TMC3: variants seen among roughly 807,000 people sequenced by gnomAD.
TMC3 encodes the protein transmembrane channel like 3, also known as transmembrane channel-like protein 3.
In TMC3, 98 loss-of-function variants were observed where a neutral mutation model predicts 110.6. The observed-to-expected ratio is 0.89, with a 90% CI of 0.75 to 1.05. TMC3 has a LOEUF of 1.05. Ranked by LOEUF, TMC3 falls within the 50% of genes least tolerant of loss-of-function variation. TMC3 has a pLI of 0.00. For missense variants in TMC3, 1,319 were observed against 1,373.2 expected (o/e 0.96, Z 0.62); for synonymous variants, 489 against 513.1 (o/e 0.95, Z 0.63).
At chr15:81,346,162 G>A (rs1056202352) in intron 12 of TMC3, among the ~76,000 whole-genome samples, 9 of 152,210 alleles carry the variant, frequency 5.9e-5, no homozygotes, top group Non-Finnish European at 1.5e-5. Flanking sequence ...GTCATGCACT[G>A]TGGCCTGAGT....
rs771936246 is a variant in TMC3, at chr15:81,338,706, A to C, written c.2030T>G (p.Val677Gly). 35 of 1,613,912 alleles carry C rather than the reference A, an allele frequency of 2.2e-5. No individual in the cohort carries two copies. Among genetic ancestry groups the C allele is most frequent in the Non-Finnish European group, 2.6e-5 (31 of 1,179,884 alleles). ...KDFPVWFGSVVGHISSPVVIL... is the reference protein window; with the variant it reads ...KDFPVWFGSVGGHISSPVVIL... ...GACCACGGGGCTACTGATGTGTCCAACCACGGAGCCAAACCACACAGGAAA... is the reference window on the plus strand; with the variant it reads ...GACCACGGGGCTACTGATGTGTCCACCCACGGAGCCAAACCACACAGGAAA... The change falls in exon 18 of 22, where the codon GTT becomes GGT. Residue 677 changes from valine to glycine, a missense_variant. Physicochemically the swap from Val to Gly is moderately radical, Grantham distance 109. Transcript: ENST00000359440.
chr15:81,357,572 C>T (rs1022706728), intron 7 of TMC3, among the ~76,000 whole-genome samples: 4 of 152,062 alleles, frequency 2.6e-5, no homozygotes, highest in African/African-American at 9.7e-5. Context: ...GTCTCACAGT[C>T]GGGGTGGTGC....
In TMC3 at chr15:81,336,788, A is replaced by G. The variant is rs538351687; in HGVS notation, c.2161-137T>C. 1.9e-4 allele frequency: 163 copies of G among 852,098 alleles called. 2 individuals are homozygous for G. In the South Asian group the frequency reaches 2.1e-3, roughly 11 times the overall value. 52.8% of individuals were successfully genotyped at this position (852,098 alleles called of 1,614,324 possible). A position where few individuals can be genotyped will look rare whatever the true frequency, so the allele number is the denominator to read the frequency against. On this transcript the variant is annotated intron_variant, in intron 19 of 21. Transcript: ENST00000359440. ...CATAACTGTACTACTATTGCCCCCTATGGACGGTATGCTCTGGGCTCGGGC... is the reference window on the plus strand; with the variant it reads ...CATAACTGTACTACTATTGCCCCCTGTGGACGGTATGCTCTGGGCTCGGGC...
chr15:81,348,574 C>T (rs7170701), intron 11 of TMC3, among the ~76,000 whole-genome samples: 3,078 of 152,314 alleles, frequency 0.02, 105 homozygotes, highest in African/African-American at 0.069. Context: ...CTCAGGTCTT[C>T]CTCAACCACC....
intron 19 of TMC3, 153 bp downstream of exon 19, chr15:81,337,693 G>A (rs894728148): frequency 3.1e-5 from 21 of 683,174 alleles, no homozygotes; most frequent in African/African-American, 3.0e-4. Context: ...AATAACTCTT[G>A]GACATCTGGG....
intron 1 of TMC3, 128 bp from the exon 2 acceptor site, chr15:81,372,865 T>TTGTGTG (rs892784031): frequency 5.5e-5 from 32 of 579,526 alleles, no homozygotes; most frequent in Non-Finnish European, 8.4e-5. Context: ...GTGTATGTGT[T>TTGTGTG]TGTGCGTGTG....
chr15:81,340,202 TTCTCTGTCTCTCTCTG>T (rs949158087), intron 16 of TMC3, among the ~76,000 whole-genome samples: 2 of 143,668 alleles, frequency 1.4e-5, no homozygotes, highest in South Asian at 2.4e-4. Context: ...GTTGGTCTGT[TTCTCTGTCTCTCTCTG>T]TCTCTGTCTC....
chr15:81,358,465 C>T lies in TMC3; in HGVS notation c.537G>A (p.Arg179=), dbSNP rs1567067705. 1.2e-6 allele frequency: 2 copies of T among 1,613,428 alleles called. No homozygotes were observed. The highest frequency in any genetic ancestry group is 1.3e-5 in the African/African-American group (1 of 75,022). ...IAGQPFGSTA[R]KTIPKEQVSS... is the part of the protein sequence containing the mutation. ...AAACCTGCTCCTTGGGGATGGTCTT[C>T]CTGGCTGTGCTTCCAAAGGGCTGGC... Residue 179 remains arginine, a synonymous_variant, in exon 6 of 22, where the codon AGG becomes AGA. Coordinates refer to ENST00000359440, the MANE Select transcript of TMC3 (RefSeq NM_001080532.3).
At chr15:81,345,512 G>C (rs535577253) in intron 12 of TMC3, among the ~76,000 whole-genome samples, 5 of 152,246 alleles carry the variant, frequency 3.3e-5, no homozygotes, top group African/African-American at 1.2e-4. Flanking sequence ...CCCTAAAAGA[G>C]CACCCCCTGT....
At chr15:81,351,955 G>T in intron 9 of TMC3, 114 bp from the exon 10 acceptor site, 2 of 1,267,058 alleles carry the variant, frequency 1.6e-6, no homozygotes, top group Non-Finnish European at 2.2e-6. Context: ...AGGATTCTCT[G>T]CCCTGAAGCA....
At chr15:81,362,354 G>T in intron 3 of TMC3, 53 bp from the exon 4 acceptor site, 1 of 1,417,290 alleles carries the variant, frequency 7.1e-7, no homozygotes, top group Non-Finnish European at 9.9e-7. Flanking sequence ...GATGGCAATG[G>T]CTGTGCAGTA....
chr15:81,370,729 C>T (rs983512695), intron 2 of TMC3, among the ~76,000 whole-genome samples: 12 of 147,950 alleles, frequency 8.1e-5, no homozygotes, highest in African/African-American at 2.8e-4. Flanking sequence ...GGCTGGAGGG[C>T]AGTGGCACAA....
chr15:81,337,746 A>C, intron 19 of TMC3, 100 bp downstream of exon 19: 2 of 1,034,800 alleles, frequency 1.9e-6, no homozygotes, highest in Non-Finnish European at 3.0e-6. Context: ...AGAGTCACAG[A>C]AACCTTGAAG....
At chr15:81,372,549 A>T in intron 2 of TMC3, 42 bp downstream of exon 2, 1 of 1,609,384 alleles carries the variant, frequency 6.2e-7, no homozygotes, top group Non-Finnish European at 8.5e-7. Flanking sequence ...TTTATCGGAA[A>T]GCATGCTTGT....
At position 81,362,213 on chromosome 15, in the gene TMC3, T is replaced by C; in HGVS notation, c.394+7A>G. 1 of 1,602,350 alleles carries C rather than the reference T, an allele frequency of 6.2e-7. No homozygotes were observed. The highest frequency in any genetic ancestry group is 2.2e-5 in the East Asian group (1 of 44,588). ...TCCTGCCCCACTCTCCAGGTGTAAATACTTACTCTCGATTTTCTTTATCCT... is the reference window on the plus strand; with the variant it reads ...TCCTGCCCCACTCTCCAGGTGTAAACACTTACTCTCGATTTTCTTTATCCT... On this transcript the variant is annotated splice_region_variant and intron_variant, in intron 4 of 21. Transcript: ENST00000359440.
intron 1 of TMC3, among the ~76,000 whole-genome samples, chr15:81,373,445 T>C (rs1309486101): frequency 1.3e-5 from 2 of 152,246 alleles, no homozygotes; most frequent in Non-Finnish European, 2.9e-5. Context: ...TATTCATCTA[T>C]GACTATTAGA....
rs1057135707 is a variant in TMC3, at chr15:81,365,311, G to A, written c.312+2942C>T. Among the ~76,000 whole-genome samples, 10 of 152,368 alleles carry A rather than the reference G, an allele frequency of 6.6e-5. No homozygotes were observed. The South Asian group carries it at 2.1e-3, about 32-fold the overall frequency. ...TTCATTTGACCAGCATCTCTTGTCTGCTCACTGTATGCTAAGCACAGGGCT... is the reference window on the plus strand; with the variant it reads ...TTCATTTGACCAGCATCTCTTGTCTACTCACTGTATGCTAAGCACAGGGCT... On this transcript the variant is annotated intron_variant, in intron 3 of 21. Coordinates refer to ENST00000359440, the MANE Select transcript of TMC3 (RefSeq NM_001080532.3).
chr15:81,359,725 G>A (rs1284073718), intron 4 of TMC3, among the ~76,000 whole-genome samples: 1 of 152,080 alleles, frequency 6.6e-6, no homozygotes, highest in African/African-American at 2.4e-5. Context: ...CTTCCCTAAT[G>A]ACTTACTTAT....
At chr15:81,345,644 G>A (rs1893811330) in intron 12 of TMC3, among the ~76,000 whole-genome samples, 1 of 152,036 alleles carries the variant, frequency 6.6e-6, no homozygotes, top group East Asian at 1.9e-4. Context: ...TCGAGGCAGG[G>A]GAATCGCTTG....
Sources: allele counts gnomAD v4.1 joint callset (sites outside exome capture counted in the v4.1 genomes callset), GRCh38; gene constraint gnomAD v4.1.1; transcripts MANE v1.5; gene names NCBI Gene and HGNC (gene_info 2026-07-23, HGNC 2026-07-21).